The following BMAL2 variants were observed in gnomAD, a reference collection of about 807,000 sequenced individuals.
BMAL2 encodes basic helix-loop-helix ARNT like 2, also known as basic helix-loop-helix ARNT-like protein 2.
chr12:27,391,438 A>G, the BMAL2 span, among the ~76,000 whole-genome samples: 1 of 152,014 alleles, frequency 6.6e-6, no homozygotes, highest in Non-Finnish European at 1.5e-5. Context: ...TTAATCCACC[A>G]GGGATGGGCA....
the BMAL2 span, among the ~76,000 whole-genome samples, chr12:27,363,523 T>G: frequency 1.3e-5 from 2 of 152,220 alleles, no homozygotes; most frequent in Admixed American, 6.5e-5. Flanking sequence ...CATATATTAG[T>G]ATATCACTAC....
the BMAL2 span, among the ~76,000 whole-genome samples, chr12:27,355,130 C>A: frequency 6.6e-6 from 1 of 152,066 alleles, no homozygotes; most frequent in African/African-American, 2.4e-5. Flanking sequence ...TCATTTATTG[C>A]CTTGATTTTG....
At chr12:27,418,048 G>A in the BMAL2 span, 35 of 1,312,882 alleles carry the variant, frequency 2.7e-5, no homozygotes, top group Admixed American at 4.3e-4. Flanking sequence ...CCTTATTCTA[G>A]TAGGAACCTC....
the BMAL2 span, among the ~76,000 whole-genome samples, chr12:27,412,456 A>T: frequency 7.5e-4 from 114 of 152,286 alleles, no homozygotes; most frequent in African/African-American, 2.7e-3. Flanking sequence ...AAGATACAGA[A>T]GATTAATCTG....
At chr12:27,358,987 A>G in the BMAL2 span, among the ~76,000 whole-genome samples, 2 of 141,276 alleles carry the variant, frequency 1.4e-5, no homozygotes, top group South Asian at 4.1e-4. Context: ...AAGGATCTTA[A>G]AGTAATGTGT....
At chr12:27,346,801 G>A in the BMAL2 span, among the ~76,000 whole-genome samples, 4 of 152,206 alleles carry the variant, frequency 2.6e-5, no homozygotes, top group Non-Finnish European at 5.9e-5. Flanking sequence ...TCATGTTGAA[G>A]TTTGATCTCC....
the BMAL2 span, chr12:27,401,503 T>A: frequency 6.4e-7 from 1 of 1,564,624 alleles, no homozygotes; most frequent in East Asian, 2.3e-5. Flanking sequence ...ATTATGCTGA[T>A]AATTATCTTT....
At chr12:27,354,610 GT>G in the BMAL2 span, among the ~76,000 whole-genome samples, 1 of 152,090 alleles carries the variant, frequency 6.6e-6, no homozygotes, top group Non-Finnish European at 1.5e-5. Context: ...TCAACACATT[GT>G]TTTGTGCAAA....
At chr12:27,368,415 A>G in the BMAL2 span, 6 of 1,614,038 alleles carry the variant, frequency 3.7e-6, no homozygotes, top group Non-Finnish European at 5.1e-6. Context: ...CCATCCCAGT[A>G]AGTGAATTTG....
the BMAL2 span, among the ~76,000 whole-genome samples, chr12:27,383,900 G>A: frequency 6.6e-6 from 1 of 152,102 alleles, no homozygotes; most frequent in African/African-American, 2.4e-5. Flanking sequence ...ATAGCATGAG[G>A]CATTTTGTCT....
At chr12:27,394,979 C>T in the BMAL2 span, among the ~76,000 whole-genome samples, 1 of 152,262 alleles carries the variant, frequency 6.6e-6, no homozygotes. Flanking sequence ...CATCTCTAGG[C>T]TTCCAGCCTC....
At chr12:27,411,321 A>G in the BMAL2 span, among the ~76,000 whole-genome samples, 2 of 152,072 alleles carry the variant, frequency 1.3e-5, no homozygotes, top group South Asian at 2.1e-4. Flanking sequence ...AAAAAAAATA[A>G]TAACACAATA....
At chr12:27,400,614 A>G in the BMAL2 span, 1 of 1,614,000 alleles carries the variant, frequency 6.2e-7, no homozygotes, top group Non-Finnish European at 8.5e-7. Context: ...GGAAGAAGAA[A>G]GGAACAGTAA....
At chr12:27,385,343 GA>G in the BMAL2 span, 8,102 of 517,062 alleles carry the variant, frequency 0.016, 67 homozygotes, top group Non-Finnish European at 0.02. Flanking sequence ...AAATGAAAAT[GA>G]AAAAAAAAAT....
chr12:27,390,228 CAAA>C, the BMAL2 span: 2 of 1,613,506 alleles, frequency 1.2e-6, no homozygotes, highest in Non-Finnish European at 1.7e-6. Flanking sequence ...TTACCCAACT[CAAA>C]GAAGAAAGGT....
chr12:27,356,562 T>A, the BMAL2 span, among the ~76,000 whole-genome samples: 1 of 152,200 alleles, frequency 6.6e-6, no homozygotes, highest in Non-Finnish European at 1.5e-5. Context: ...AAGTAAGACG[T>A]GATACTTAGA....
At chr12:27,420,675 C>T in the BMAL2 span, 2 of 977,846 alleles carry the variant, frequency 2.0e-6, no homozygotes, top group Admixed American at 7.2e-5. Flanking sequence ...TTTGCATCTT[C>T]CTGTCACAGG....
the BMAL2 span, among the ~76,000 whole-genome samples, chr12:27,337,057 A>G: frequency 6.6e-6 from 1 of 152,082 alleles, no homozygotes; most frequent in Admixed American, 6.6e-5. Context: ...AATGGTTGGC[A>G]TGATAGGAAA....
the BMAL2 span, chr12:27,389,156 A>G: frequency 6.9e-7 from 1 of 1,447,486 alleles, no homozygotes; most frequent in Non-Finnish European, 9.7e-7. Context: ...CTGATTTTAA[A>G]TGAATGTCTA....
Sources: allele counts gnomAD v4.1 joint callset (sites outside exome capture counted in the v4.1 genomes callset), GRCh38; gene constraint gnomAD v4.1.1; transcripts MANE v1.5; gene names NCBI Gene and HGNC (gene_info 2026-07-23, HGNC 2026-07-21).